Variants in CD300E observed in about 807,000 individuals in gnomAD.
The protein encoded by CD300E is CD300e molecule, also known as CMRF35-like molecule 2.
CD300E carries 14 observed loss-of-function variants against 20.9 expected under a neutral mutation model. The ratio of observed to expected loss-of-function variants is 0.67; its 90% CI spans 0.44 to 1.05. The LOEUF is 1.05. Among genes scored for constraint, CD300E ranks in the 50% least tolerant of loss-of-function variants. CD300E has a pLI of 0.00. For synonymous variants in CD300E, 102 were observed against 103.7 expected (o/e 0.98, Z 0.10); for missense variants, 237 against 253.9 (o/e 0.93, Z 0.45).
intron 1 of CD300E, among the ~76,000 whole-genome samples, chr17:74,622,785 A>G (rs2031048316): frequency 6.6e-6 from 1 of 151,738 alleles, no homozygotes; most frequent in Non-Finnish European, 1.5e-5. Flanking sequence ...CCCAGGCCAG[A>G]CTGCTGCAGT....
chr17:74,617,142 G>T lies in CD300E; in HGVS notation c.364C>A (p.Leu122Met), dbSNP rs1568034786. The change falls in exon 2 of 4, where the codon CTG (leucine) becomes ATG (methionine). Residue 122 changes from leucine to methionine, a missense_variant. Coordinates refer to ENST00000392619, the MANE Select transcript of CD300E (RefSeq NM_181449.3). ...CCTGGGGAAACATACACCCTAACCAGGTCCGAGGGATCGCGTGACCATGAA... is the reference window on the plus strand; with the variant it reads ...CCTGGGGAAACATACACCCTAACCATGTCCGAGGGATCGCGTGACCATGAA... ...LDSWSRDPSD[L>M]VRVYVSPAIT... 6.2e-7 allele frequency: 1 copy of T among 1,614,188 alleles called. No individual in the cohort carries two copies. Among genetic ancestry groups the T allele is most frequent in the Admixed American group, 1.7e-5 (1 of 60,018 alleles).
At chr17:74,623,558 C>T (rs1598153712) in intron 1 of CD300E, 24 bp downstream of exon 1, 7 of 1,613,578 alleles carry the variant, frequency 4.3e-6, no homozygotes, top group Non-Finnish European at 5.9e-6. Flanking sequence ...AAAACCAAGT[C>T]CCCAAAGCCA....
intron 2 of CD300E, among the ~76,000 whole-genome samples, chr17:74,616,375 T>A (rs1161503990): frequency 6.6e-6 from 1 of 151,278 alleles, no homozygotes; most frequent in African/African-American, 2.4e-5. Context: ...CTGAAGAGAG[T>A]AGAAAATAAA....
At chr17:74,618,445 C>T (rs1035765141) in intron 1 of CD300E, among the ~76,000 whole-genome samples, 3 of 152,120 alleles carry the variant, frequency 2.0e-5, no homozygotes, top group Non-Finnish European at 2.9e-5. Context: ...AGGATGAATA[C>T]GCGCAGGGGC....
At position 74,612,619 on chromosome 17, in the gene CD300E, A is replaced by G. The variant is rs373961961; in HGVS notation, c.*34T>C. ...CTCCCTGCACGGGGCACTCCTGGGG[A>G]TGGGGCTCTGCAGGGCTTCGGGTCA... On this transcript the variant is annotated 3_prime_UTR_variant, in exon 4 of 4. Transcript: ENST00000392619. 558 of 1,609,966 alleles carry G rather than the reference A, an allele frequency of 3.5e-4. No individual in the cohort carries two copies. Among genetic ancestry groups the G allele is most frequent in the Non-Finnish European group, 4.4e-4 (519 of 1,179,052 alleles).
In CD300E at chr17:74,617,052, G is replaced by A. The variant is rs561065941; in HGVS notation, c.388+66C>T. The A allele has an allele frequency of 1.6e-4, 223 of 1,376,000 alleles. 1 individual carries two copies. Among genetic ancestry groups the A allele is most frequent in the South Asian group, 1.2e-3 (97 of 82,658 alleles). The allele number at this position is 1,376,000 out of a possible 1,614,324, so 85.2% of individuals were successfully genotyped here. ...ACTTGGACGCACACTTCAGTGTGCC[G>A]CCCACCCTTGTTCCCTTGTCCAGTC... On this transcript the variant is annotated intron_variant, in intron 2 of 3. Coordinates refer to ENST00000392619, the MANE Select transcript of CD300E (RefSeq NM_181449.3).
At chr17:74,614,228 C>T (rs2030850488) in intron 2 of CD300E, among the ~76,000 whole-genome samples, 195 bp from the exon 3 acceptor site, 1 of 152,260 alleles carries the variant, frequency 6.6e-6, no homozygotes, top group South Asian at 2.1e-4. Context: ...CCATGAGAGT[C>T]CCCTCCAATA....
In CD300E at chr17:74,612,618, G is replaced by T; in HGVS notation, c.*35C>A. The T allele has an allele frequency of 6.2e-7, 1 of 1,610,070 alleles. No individual in the cohort carries two copies. On this transcript the variant is annotated 3_prime_UTR_variant, in exon 4 of 4. Coordinates refer to ENST00000392619, the MANE Select transcript of CD300E (RefSeq NM_181449.3). ...ACTCCCTGCACGGGGCACTCCTGGG[G>T]ATGGGGCTCTGCAGGGCTTCGGGTC...
chr17:74,617,893 G>A, intron 1 of CD300E, among the ~76,000 whole-genome samples: 1 of 152,350 alleles, frequency 6.6e-6, no homozygotes, highest in East Asian at 1.9e-4. Flanking sequence ...CACTTTCAGA[G>A]TGTTCTTGTG....
intron 1 of CD300E, among the ~76,000 whole-genome samples, chr17:74,618,804 T>C (rs1217936300): frequency 6.6e-6 from 1 of 152,056 alleles, no homozygotes. Flanking sequence ...CAGTAGCACC[T>C]GTCACCCCCA....
chr17:74,618,138 G>A (rs555929611), intron 1 of CD300E, among the ~76,000 whole-genome samples: 2 of 152,346 alleles, frequency 1.3e-5, no homozygotes, highest in Non-Finnish European at 2.9e-5. Flanking sequence ...TTTGGGTCCT[G>A]GGAGGAAAGT....
At position 74,611,428 on chromosome 17, in the gene CD300E, ATGCT is replaced by A. The variant is rs1404555128; in HGVS notation, c.*1221_*1224del. 4.6e-5 allele frequency: 7 copies of A among 152,378 alleles called. No homozygotes were observed. Among genetic ancestry groups the A allele is most frequent in the Non-Finnish European group, 7.3e-5 (5 of 68,106 alleles). The allele number at this position is 152,378 out of a possible 1,614,324, so 9.4% of individuals were successfully genotyped here. A position where few individuals can be genotyped will look rare whatever the true frequency, so the allele number is the denominator to read the frequency against. On this transcript the variant is annotated 3_prime_UTR_variant, in exon 4 of 4. Transcript: ENST00000392619. The stretch of plus-strand genomic sequence containing the variant: ...ATGTAGGTAGCAAGTGGAGATGGTG[ATGCT>A]TGCTTGTGGCAGACTGTGGGAGTCC...
rs184569934 is a variant in CD300E, at chr17:74,619,573, C to G, written c.41-2108G>C. On this transcript the variant is annotated intron_variant, in intron 1 of 3. Coordinates refer to ENST00000392619, the MANE Select transcript of CD300E (RefSeq NM_181449.3). Reference sequence around the variant, plus strand: ...GATTACAACCTGGGCTCCTTCAGCCCTGCTAGGAAGCAAATGTTTCACTCC... The same window carrying G: ...GATTACAACCTGGGCTCCTTCAGCCGTGCTAGGAAGCAAATGTTTCACTCC... 2.0e-4 allele frequency among the ~76,000 whole-genome samples: 30 copies of G among 152,230 alleles called. 1 individual carries two copies.
chr17:74,619,965 C>A (rs888480771), intron 1 of CD300E, among the ~76,000 whole-genome samples: 2 of 152,242 alleles, frequency 1.3e-5, no homozygotes, highest in African/African-American at 2.4e-5. Context: ...GATGGCTATT[C>A]TCTCCAGTAG....
chr17:74,617,903 G>A (rs143469214), intron 1 of CD300E, among the ~76,000 whole-genome samples: 164 of 152,310 alleles, frequency 1.1e-3, no homozygotes, highest in African/African-American at 3.8e-3. Context: ...GTGTTCTTGT[G>A]GGAGGAAAAA....
chr17:74,617,373 A>G lies in CD300E; in HGVS notation c.133T>C (p.Tyr45His), dbSNP rs1158919973. 1.2e-6 allele frequency: 2 copies of G among 1,613,996 alleles called. No homozygotes were observed. Among genetic ancestry groups the G allele is most frequent in the African/African-American group, 1.3e-5 (1 of 74,902 alleles). Reference protein sequence around the residue: ...WCQYESMYKGYNKYWCRGQYD... With the variant: ...WCQYESMYKGHNKYWCRGQYD... ...TGTCCTCGGCACCAGTACTTGTTAT[A>G]TCCCTTGTACATGCTCTCATACTGA... The change falls in exon 2 of 4, where the codon TAT becomes CAT. Residue 45 changes from tyrosine (Y) to histidine (H), a missense_variant. Transcript: ENST00000392619.
intron 3 of CD300E, among the ~76,000 whole-genome samples, chr17:74,613,425 G>A (rs760647882): frequency 6.6e-6 from 1 of 152,160 alleles, no homozygotes; most frequent in African/African-American, 2.4e-5. Flanking sequence ...TTCCACTCCA[G>A]CTCCTTGTTC....
At chr17:74,613,902 G>A (rs762090893) in intron 3 of CD300E, 23 bp downstream of exon 3, 1 of 1,572,642 alleles carries the variant, frequency 6.4e-7, no homozygotes, top group Admixed American at 1.7e-5. Flanking sequence ...TCCCTCCATG[G>A]CCTCCAGGCC....
At chr17:74,614,180 A>C in intron 2 of CD300E, 147 bp from the exon 3 acceptor site, 1 of 654,308 alleles carries the variant, frequency 1.5e-6, no homozygotes, top group Non-Finnish European at 2.7e-6. Context: ...TCCTGGGTGA[A>C]ACCCCTCAGG....
Sources: gnomAD v4.1 joint callset for allele counts (sites outside exome capture counted in the v4.1 genomes callset) on GRCh38, gnomAD v4.1.1 for gene constraint, MANE v1.5 for transcripts, NCBI Gene and HGNC (gene_info 2026-07-23, HGNC 2026-07-21) for gene names.